The following GRIK4 variants were observed in gnomAD, a reference collection of about 807,000 sequenced individuals.
GRIK4 encodes glutamate receptor ionotropic, kainate 4.
A neutral mutation model predicts 104.9 loss-of-function variants in GRIK4; 40 were observed. The observed-to-expected ratio is 0.38, with a 90% CI of 0.30 to 0.50. GRIK4 has a LOEUF of 0.50. Ranked by LOEUF, GRIK4 falls within the 20% of genes least tolerant of loss-of-function variation. The pLI, the probability that GRIK4 is intolerant of heterozygous loss-of-function variation, is 0.93. For missense variants in GRIK4, 1,047 were observed against 1,308.1 expected (o/e 0.80, Z 3.08); for synonymous variants, 485 against 524.9 (o/e 0.92, Z 1.04).
At chr11:120,747,811 T>A (rs1357848300) in intron 3 of GRIK4, among the ~76,000 whole-genome samples, 1 of 152,252 alleles carries the variant, frequency 6.6e-6, no homozygotes, top group Non-Finnish European at 1.5e-5. Flanking sequence ...GCTTAGGGCC[T>A]GGCACAAAAT....
At position 120,815,449 on chromosome 11, in the gene GRIK4, A is replaced by G; in HGVS notation, c.319A>G (p.Ile107Val). 3 of 1,549,992 alleles carry G rather than the reference A, an allele frequency of 1.9e-6. No homozygotes were observed. Among genetic ancestry groups the G allele is most frequent in the South Asian group, 1.2e-5 (1 of 83,560 alleles). ...GTCCAGCCCAGCCTCCAGCTCCATC[A>G]TCAGCAACATCTGTGGAGAGAAGGA... is the stretch of plus-strand genomic sequence containing the variant. ...PSSSPASSSI[I>V]SNICGEKEVP... The change falls in exon 5 of 21, where the codon ATC becomes GTC. Residue 107 changes from isoleucine (I) to valine (V), a missense_variant. This residue lies in a region of GRIK4 where 447 missense variants were observed against 514.9 expected (regional missense o/e 0.87). Transcript: ENST00000527524.
chr11:120,620,027 ACC>A, intron 1 of GRIK4: 1 of 595,496 alleles, frequency 1.7e-6, no homozygotes, highest in Non-Finnish European at 3.1e-6. Flanking sequence ...AGCGTAGTGA[ACC>A]TGTGTGTAAA....
At chr11:120,809,386 G>A (rs887622288) in intron 4 of GRIK4, among the ~76,000 whole-genome samples, 4 of 152,188 alleles carry the variant, frequency 2.6e-5, no homozygotes, top group African/African-American at 9.7e-5. Context: ...TCAGAGGGCC[G>A]AGGCCTGCAG....
chr11:120,935,140 G>T (rs1410440343), intron 13 of GRIK4, among the ~76,000 whole-genome samples: 2 of 152,172 alleles, frequency 1.3e-5, no homozygotes, highest in African/African-American at 4.8e-5. Flanking sequence ...TAAAGCAGGG[G>T]ATTTGACAGC....
intron 1 of GRIK4, among the ~76,000 whole-genome samples, chr11:120,557,673 G>T (rs1235431248): frequency 6.6e-6 from 1 of 152,136 alleles, no homozygotes; most frequent in Non-Finnish European, 1.5e-5. Flanking sequence ...TTTATCCCCA[G>T]ATTTGCCACG....
chr11:120,772,238 CAAAA>C (rs553072828), intron 3 of GRIK4, among the ~76,000 whole-genome samples: 2 of 151,618 alleles, frequency 1.3e-5, no homozygotes, highest in African/African-American at 2.4e-5. Context: ...AAACAAAAAA[CAAAA>C]AAAACCTTAG....
At chr11:120,823,752 A>T (rs12278293) in intron 6 of GRIK4, among the ~76,000 whole-genome samples, 1 of 152,150 alleles carries the variant, frequency 6.6e-6, no homozygotes, top group Non-Finnish European at 1.5e-5. Context: ...AGCTAAGCAC[A>T]GACAAGGTTC....
At chr11:120,960,867 A>C in intron 16 of GRIK4, 42 bp from the exon 17 acceptor site, 1 of 1,546,222 alleles carries the variant, frequency 6.5e-7, no homozygotes, top group Non-Finnish European at 8.9e-7. Flanking sequence ...GACTCCAGGG[A>C]GTGCCCGGGC....
rs1944402421 is a variant in GRIK4, at chr11:120,967,354, C to T, written c.2395+31C>T. 6.3e-7 allele frequency: 1 copy of T among 1,585,964 alleles called. No individual in the cohort carries two copies. Among genetic ancestry groups the T allele is most frequent in the South Asian group, 1.2e-5 (1 of 86,426 alleles). On this transcript the variant is annotated intron_variant, in intron 19 of 20. Coordinates refer to ENST00000527524, the MANE Select transcript of GRIK4 (RefSeq NM_014619.5). The surrounding 1 kb of genome is among the most constrained non-coding windows in gnomAD (Gnocchi z 4.2). ...GACGTTCAGGGCCATCCTCCTCCTGCCCTAGAGGACCAAAGTAGCTTGTTT... is the reference window on the plus strand; with the variant it reads ...GACGTTCAGGGCCATCCTCCTCCTGTCCTAGAGGACCAAAGTAGCTTGTTT...
chr11:120,830,476 G>C (rs879303186), intron 6 of GRIK4, among the ~76,000 whole-genome samples: 3 of 152,146 alleles, frequency 2.0e-5, no homozygotes, highest in Admixed American at 1.3e-4. Context: ...TTTGGCCTGG[G>C]TGGTGAGTAA....
In GRIK4 at chr11:120,967,342, A is replaced by G. The variant is rs367986596; in HGVS notation, c.2395+19A>G. The stretch of plus-strand genomic sequence containing the variant: ...GCTAAAGGTAAGGACGTTCAGGGCC[A>G]TCCTCCTCCTGCCCTAGAGGACCAA... On this transcript the variant is annotated intron_variant, in intron 19 of 20. Coordinates refer to ENST00000527524, the MANE Select transcript of GRIK4 (RefSeq NM_014619.5). The surrounding 1 kb of genome is among the most constrained non-coding windows in gnomAD (Gnocchi z 4.2). The G allele has an allele frequency of 3.7e-5, 59 of 1,602,212 alleles. No individual in the cohort carries two copies. The African/African-American group carries it at 7.1e-4, about 19-fold the overall frequency.
rs746272160 is a variant in GRIK4 at position 120,802,762 on chromosome 11, G to A, written c.152G>A (p.Arg51His). 16 of 1,613,966 alleles carry A rather than the reference G, an allele frequency of 9.9e-6. No homozygotes were observed. The highest frequency in any genetic ancestry group is 5.5e-5 in the South Asian group (5 of 91,090). ...CTCTCCATCACCCTGGCCAAGAACC[G>A]CATCAACCGCGCTCCTGAGAGGCTG... ...ERLSITLAKN[R>H]INRAPERLGK... Residue 51 changes from arginine to histidine, a missense_variant, in exon 4 of 21, where the codon CGC becomes CAC. Physicochemically the swap from Arg to His is conservative, Grantham distance 29. Transcript: ENST00000527524.
chr11:120,774,751 A>G (rs2135462096), intron 3 of GRIK4, among the ~76,000 whole-genome samples: 1 of 152,222 alleles, frequency 6.6e-6, no homozygotes, highest in East Asian at 1.9e-4. Context: ...TGGAGGGGAA[A>G]GATATCAGGG....
chr11:120,545,892 G>A (rs1425173954), intron 1 of GRIK4, among the ~76,000 whole-genome samples: 3 of 152,220 alleles, frequency 2.0e-5, no homozygotes, highest in Admixed American at 1.3e-4. Flanking sequence ...TGCACTGAGT[G>A]CTTTCCTGCA....
chr11:120,659,510 T>C (rs925755463), intron 2 of GRIK4, among the ~76,000 whole-genome samples: 1 of 152,180 alleles, frequency 6.6e-6, no homozygotes, highest in Non-Finnish European at 1.5e-5. Flanking sequence ...GGGGTTGTTA[T>C]AGTACTTTTA....
intron 13 of GRIK4, among the ~76,000 whole-genome samples, chr11:120,918,543 T>C (rs571394440): frequency 6.6e-6 from 1 of 152,316 alleles, no homozygotes; most frequent in African/African-American, 2.4e-5. Flanking sequence ...CAGCCCTCAC[T>C]CTGCTCACCA....
At chr11:120,610,138 C>G (rs1014378776) in intron 1 of GRIK4, among the ~76,000 whole-genome samples, 1 of 152,148 alleles carries the variant, frequency 6.6e-6, no homozygotes, top group African/African-American at 2.4e-5. Context: ...GCAGGAGTCT[C>G]TCATTCCACA....
At chr11:120,515,474 C>T (rs983873789) in intron 1 of GRIK4, among the ~76,000 whole-genome samples, 1 of 152,198 alleles carries the variant, frequency 6.6e-6, no homozygotes, top group Non-Finnish European at 1.5e-5. Context: ...GTGAAGGGCA[C>T]CTGCATGGGT....
chr11:120,708,276 C>T (rs536460732), intron 3 of GRIK4, among the ~76,000 whole-genome samples: 3 of 152,164 alleles, frequency 2.0e-5, no homozygotes, highest in African/African-American at 7.2e-5. Context: ...CTAACTGTAG[C>T]GCCTGATGTG....
Sources: allele counts gnomAD v4.1 joint callset (sites outside exome capture counted in the v4.1 genomes callset), GRCh38; gene constraint gnomAD v4.1.1; regional missense constraint gnomAD v4.1.1; non-coding constraint Gnocchi (gnomAD v3.1); transcripts MANE v1.5; gene names NCBI Gene and HGNC (gene_info 2026-07-23, HGNC 2026-07-21).